Variants in BIN3 observed in about 807,000 individuals in gnomAD.
BIN3 encodes the protein bridging integrator 3.
Under a neutral mutation model 38.2 loss-of-function variants are expected in BIN3, and 41 were observed. The observed-to-expected ratio is 1.07, with a 90% CI of 0.84 to 1.39. The LOEUF (loss-of-function observed/expected upper bound fraction) is 1.39. BIN3 is among the 40% of genes most tolerant of loss of function. BIN3 has a pLI of 0.00. For synonymous variants in BIN3, 145 were observed against 122.6 expected (o/e 1.18, Z -1.21); for missense variants, 361 against 324.3 (o/e 1.11, Z -0.87).
intron 4 of BIN3, among the ~76,000 whole-genome samples, chr8:22,631,297 G>C (rs570697001): frequency 1.3e-5 from 2 of 152,158 alleles, no homozygotes; most frequent in Non-Finnish European, 2.9e-5. Context: ...TGGTACAGGC[G>C]GGACTGGGAC....
At chr8:22,660,946 G>A (rs1267640287) in intron 1 of BIN3, among the ~76,000 whole-genome samples, 3 of 152,152 alleles carry the variant, frequency 2.0e-5, no homozygotes, top group African/African-American at 7.2e-5. Flanking sequence ...GTGCAGTGGT[G>A]TGATCATAGC....
At chr8:22,638,364 A>G (rs1802437821) in intron 2 of BIN3, among the ~76,000 whole-genome samples, 1 of 152,228 alleles carries the variant, frequency 6.6e-6, no homozygotes, top group South Asian at 2.1e-4. Flanking sequence ...AGGATGCAGG[A>G]CATTCTGGTG....
At chr8:22,643,988 T>C (rs1177790285) in intron 2 of BIN3, among the ~76,000 whole-genome samples, 5 of 152,242 alleles carry the variant, frequency 3.3e-5, no homozygotes, top group African/African-American at 4.8e-5. Flanking sequence ...CAGGGAAGCA[T>C]GAGGCAATGG....
chr8:22,633,741 C>T (rs1419471541), intron 4 of BIN3, among the ~76,000 whole-genome samples: 1 of 152,232 alleles, frequency 6.6e-6, no homozygotes, highest in Non-Finnish European at 1.5e-5. Flanking sequence ...ATTTTCAGGT[C>T]TCGCCCAGCT....
intron 6 of BIN3, chr8:22,626,278 A>G (rs1472283282): frequency 6.6e-6 from 1 of 152,328 alleles, no homozygotes; most frequent in East Asian, 1.9e-4. Flanking sequence ...GGAAGCAGAC[A>G]CCACCAGGAT....
At chr8:22,641,700 T>G (rs1802567779) in intron 2 of BIN3, among the ~76,000 whole-genome samples, 1 of 152,308 alleles carries the variant, frequency 6.6e-6, no homozygotes, top group South Asian at 2.1e-4. Flanking sequence ...AGAGGCTGCA[T>G]GTGGCCAGAC....
intron 8 of BIN3, 73 bp from the exon 9 acceptor site, chr8:22,621,641 A>C: frequency 6.9e-7 from 1 of 1,454,584 alleles, no homozygotes; most frequent in Non-Finnish European, 9.5e-7. Context: ...AGAGGCTCAC[A>C]CTTCTCTGCT....
Position 22,625,243 on chromosome 8 carries a change from C to T in BIN3, c.339-880G>A, listed in dbSNP as rs1801967292. ...TCTAGTGACCAGGAGCAGTGCTCTC[C>T]TGAGGCTCTCGCTGCTGCTGCTGGA... On this transcript the variant is annotated intron_variant, in intron 6 of 8. Transcript: ENST00000276416. The T allele has an allele frequency of 7.2e-6, 5 of 697,168 alleles. No individual in the cohort carries two copies. The South Asian group carries it at 7.4e-5, about 10-fold the overall frequency. The allele number at this position is 697,168 out of a possible 1,614,324, so 43.2% of individuals were successfully genotyped here. A position where few individuals can be genotyped will look rare whatever the true frequency, so the allele number is the denominator to read the frequency against.
chr8:22,624,630 G>T, intron 6 of BIN3: 1 of 419,978 alleles, frequency 2.4e-6, no homozygotes, highest in Non-Finnish European at 4.3e-6. Flanking sequence ...CATGGGGTGA[G>T]GGCAGATGAG....
chr8:22,633,816 C>T (rs1468256243), intron 4 of BIN3, among the ~76,000 whole-genome samples: 2 of 152,210 alleles, frequency 1.3e-5, no homozygotes, highest in African/African-American at 2.4e-5. Flanking sequence ...CCGCCTACAA[C>T]ACTGATGCCC....
chr8:22,660,607 G>A (rs1050513544), intron 1 of BIN3, among the ~76,000 whole-genome samples: 5 of 152,218 alleles, frequency 3.3e-5, no homozygotes, highest in Non-Finnish European at 7.3e-5. Context: ...TCCCCATCCC[G>A]TGGGGCAGGG....
chr8:22,663,882 C>T (rs181825310), intron 1 of BIN3, among the ~76,000 whole-genome samples: 71 of 152,316 alleles, frequency 4.7e-4, no homozygotes, highest in Non-Finnish European at 7.1e-4. Flanking sequence ...TGCTTCAAGT[C>T]TTTCTTGATG....
chr8:22,668,004 C>A (rs748700982), intron 1 of BIN3, among the ~76,000 whole-genome samples: 1 of 152,184 alleles, frequency 6.6e-6, no homozygotes, highest in Non-Finnish European at 1.5e-5. Flanking sequence ...AACACACTAG[C>A]CTCTGAGGAC....
chr8:22,658,644 T>C (rs1313309366), intron 1 of BIN3, among the ~76,000 whole-genome samples: 1 of 152,184 alleles, frequency 6.6e-6, no homozygotes, highest in East Asian at 1.9e-4. Flanking sequence ...TCCTGGGTCT[T>C]TGCTTGGCCT....
At chr8:22,651,159 C>A (rs986859724) in intron 1 of BIN3, among the ~76,000 whole-genome samples, 1 of 152,338 alleles carries the variant, frequency 6.6e-6, no homozygotes, top group African/African-American at 2.4e-5. Flanking sequence ...AGCAGTAATA[C>A]ATAAATAACA....
chr8:22,627,223 G>A (rs1237366337), intron 6 of BIN3, among the ~76,000 whole-genome samples: 2 of 152,168 alleles, frequency 1.3e-5, no homozygotes, highest in African/African-American at 4.8e-5. Context: ...ATTCCCTAGG[G>A]GTAGGGACAA....
chr8:22,636,237 G>T (rs560308378), intron 4 of BIN3, among the ~76,000 whole-genome samples: 2 of 152,306 alleles, frequency 1.3e-5, no homozygotes, highest in South Asian at 4.1e-4. Context: ...GGATTCTGAG[G>T]CAATGGAGGC....
At chr8:22,636,348 T>C (rs1178807642) in intron 4 of BIN3, among the ~76,000 whole-genome samples, 177 bp downstream of exon 4, 1 of 152,132 alleles carries the variant, frequency 6.6e-6, no homozygotes, top group African/African-American at 2.4e-5. Context: ...CAGTGCGAGC[T>C]CTGTGCAAAG....
intron 2 of BIN3, among the ~76,000 whole-genome samples, chr8:22,639,861 C>CTT (rs11388602): frequency 1.5e-4 from 23 of 148,494 alleles, no homozygotes; most frequent in East Asian, 3.9e-4. Flanking sequence ...ACTAGACACA[C>CTT]TTTTTTTTTT....
Sources: gnomAD v4.1 joint callset for allele counts (sites outside exome capture counted in the v4.1 genomes callset) on GRCh38, gnomAD v4.1.1 for gene constraint, MANE v1.5 for transcripts, NCBI Gene and HGNC (gene_info 2026-07-23, HGNC 2026-07-21) for gene names.